Variants in USP13 observed in about 807,000 individuals in gnomAD.
USP13 encodes the protein ubiquitin specific peptidase 13.
A neutral mutation model predicts 107.8 loss-of-function variants in USP13; 68 were observed. The observed-to-expected ratio is 0.63, with a 90% CI of 0.52 to 0.77. USP13 has a LOEUF of 0.77. USP13 is among the 30% of genes least tolerant of loss of function. USP13 has a pLI of 0.00. For synonymous variants in USP13, 377 were observed against 389.5 expected, an observed-to-expected ratio of 0.97 and a Z score of 0.38; for missense variants, 945 against 1,093.3, an observed-to-expected ratio of 0.86 and a Z score of 1.91.
intron 12 of USP13, among the ~76,000 whole-genome samples, chr3:179,743,501 T>A (rs986834516): frequency 5.3e-5 from 8 of 152,022 alleles, no homozygotes; most frequent in African/African-American, 1.9e-4. Context: ...AAAGTGATGA[T>A]TATGATGATT....
At chr3:179,783,731 G>A (rs1715824090) in intron 20 of USP13, among the ~76,000 whole-genome samples, 1 of 152,088 alleles carries the variant, frequency 6.6e-6, no homozygotes, top group Admixed American at 6.5e-5. Flanking sequence ...AGCTGGGTAT[G>A]ATGGCATGTG....
chr3:179,714,027 A>G (rs1281235994), intron 6 of USP13, among the ~76,000 whole-genome samples: 2 of 152,208 alleles, frequency 1.3e-5, no homozygotes, highest in African/African-American at 4.8e-5. Context: ...GAAGCAGATC[A>G]CTACACAAAC....
At chr3:179,714,812 T>C (rs1576946256) in intron 6 of USP13, among the ~76,000 whole-genome samples, 1 of 152,176 alleles carries the variant, frequency 6.6e-6, no homozygotes, top group South Asian at 2.1e-4. Context: ...CCTGTTTTCC[T>C]TTCCTGACTA....
chr3:179,739,670 G>T (rs546127744), intron 10 of USP13, among the ~76,000 whole-genome samples: 1 of 152,194 alleles, frequency 6.6e-6, no homozygotes, highest in East Asian at 1.9e-4. Context: ...CGATTTTCCT[G>T]CCTCAGTCTC....
chr3:179,772,261 T>A (rs1715364002), intron 19 of USP13, among the ~76,000 whole-genome samples: 1 of 152,268 alleles, frequency 6.6e-6, no homozygotes, highest in Non-Finnish European at 1.5e-5. Flanking sequence ...CTATCGGGGC[T>A]TCTGCTATGT....
Position 179,688,346 on chromosome 3 carries a change from T to A in USP13, c.295-1895T>A, listed in dbSNP as rs189447302. 2.5e-4 allele frequency among the ~76,000 whole-genome samples: 38 copies of A among 152,348 alleles called. 1 individual carries two copies. The East Asian group carries it at 5.0e-3, about 20-fold the overall frequency. On this transcript the variant is annotated intron_variant, in intron 2 of 20. Coordinates refer to ENST00000263966, the MANE Select transcript of USP13 (RefSeq NM_003940.3). ...AACTGCTCATTTCCTCCTTACGATA[T>A]GACTGTGCCTTTTTTGAATCTTTCT...
At chr3:179,704,430 C>T (rs980174812) in intron 4 of USP13, among the ~76,000 whole-genome samples, 18 of 152,196 alleles carry the variant, frequency 1.2e-4, no homozygotes, top group African/African-American at 4.3e-4. Flanking sequence ...GGCTACACAA[C>T]AGCCTCCTTA....
chr3:179,722,425 G>A (rs553708709), intron 8 of USP13, among the ~76,000 whole-genome samples: 16 of 152,126 alleles, frequency 1.1e-4, no homozygotes, highest in Non-Finnish European at 1.9e-4. Flanking sequence ...ACAATTTGAT[G>A]TTGCTGTTGT....
chr3:179,769,776 A>G (rs1715289305), intron 19 of USP13, among the ~76,000 whole-genome samples: 1 of 152,160 alleles, frequency 6.6e-6, no homozygotes, highest in South Asian at 2.1e-4. Context: ...TGTAATCCCT[A>G]TCCAGGGAAT....
chr3:179,726,923 C>T (rs940533902), intron 8 of USP13, among the ~76,000 whole-genome samples: 2 of 151,958 alleles, frequency 1.3e-5, no homozygotes, highest in Admixed American at 6.6e-5. Context: ...AAGCAATCTT[C>T]GCCCCTCGGC....
intron 11 of USP13, among the ~76,000 whole-genome samples, chr3:179,740,761 A>G (rs1397827841): frequency 6.6e-6 from 1 of 151,270 alleles, no homozygotes; most frequent in African/African-American, 2.4e-5. Context: ...ATCGAATGCC[A>G]TTAAAAACTT....
At chr3:179,769,171 A>T (rs1479892149) in intron 19 of USP13, among the ~76,000 whole-genome samples, 1 of 152,170 alleles carries the variant, frequency 6.6e-6, no homozygotes, top group Non-Finnish European at 1.5e-5. Flanking sequence ...TGTAATTAAC[A>T]TGTGATTAAC....
At chr3:179,737,144 G>A (rs1346138017) in intron 10 of USP13, among the ~76,000 whole-genome samples, 1 of 152,228 alleles carries the variant, frequency 6.6e-6, no homozygotes, top group African/African-American at 2.4e-5. Flanking sequence ...TTAGCAGCTA[G>A]TAGGATGGAC....
chr3:179,775,074 A>G (rs146061241), intron 19 of USP13, among the ~76,000 whole-genome samples: 1 of 152,046 alleles, frequency 6.6e-6, no homozygotes, highest in East Asian at 1.9e-4. Flanking sequence ...TGCATTTACA[A>G]TCCTTTAGCT....
Position 179,658,956 on chromosome 3 carries a change from AGTGGCTGAACCAAAAAG to A in USP13, c.168+5569_168+5585del, listed in dbSNP as rs1340054110. Among the ~76,000 whole-genome samples, 80 of 152,238 alleles carry A rather than the reference AGTGGCTGAACCAAAAAG, an allele frequency of 5.3e-4. 5 individuals carry two copies. On this transcript the variant is annotated intron_variant, in intron 1 of 20. Transcript: ENST00000263966. ...CCTGCTGTGACAATCAGCTGCATACAGTGGCTGAACCAAAAAGGTGGCCGGAGGGGATATGATACTCA... is the reference window on the plus strand; with the variant it reads ...CCTGCTGTGACAATCAGCTGCATACAGTGGCCGGAGGGGATATGATACTCA...
intron 1 of USP13, among the ~76,000 whole-genome samples, chr3:179,672,857 G>A (rs1720788869): frequency 6.6e-6 from 1 of 152,208 alleles, no homozygotes; most frequent in African/African-American, 2.4e-5. Flanking sequence ...TCTGGTTAGT[G>A]CATCATAAAA....
At chr3:179,761,013 CT>C in intron 16 of USP13, 98 bp from the exon 17 acceptor site, 1 of 1,453,702 alleles carries the variant, frequency 6.9e-7, no homozygotes, top group Non-Finnish European at 9.4e-7. Context: ...CAGAATAGCA[CT>C]TTCTTTGGGT....
intron 8 of USP13, among the ~76,000 whole-genome samples, chr3:179,726,980 AC>A (rs1320695203): frequency 1.3e-5 from 2 of 151,980 alleles, no homozygotes; most frequent in Non-Finnish European, 2.9e-5. Flanking sequence ...TTTTGAAGCT[AC>A]CTAATGAATT....
chr3:179,749,029 A>G (rs542541860), intron 13 of USP13, among the ~76,000 whole-genome samples: 1 of 152,196 alleles, frequency 6.6e-6, no homozygotes, highest in South Asian at 2.1e-4. Context: ...TTTGTCTTTG[A>G]TGATATAATT....
Sources: allele counts gnomAD v4.1 joint callset (sites outside exome capture counted in the v4.1 genomes callset), GRCh38; gene constraint gnomAD v4.1.1; transcripts MANE v1.5; gene names NCBI Gene and HGNC (gene_info 2026-07-23, HGNC 2026-07-21).